The following ZDHHC21 variants were observed in gnomAD, a reference collection of about 807,000 sequenced individuals.
The protein encoded by ZDHHC21 is zDHHC palmitoyltransferase 21, also known as palmitoyltransferase ZDHHC21.
ZDHHC21 carries 15 observed loss-of-function variants against 34.6 expected under a neutral mutation model. The observed-to-expected ratio is 0.43, with a 90% CI of 0.29 to 0.67. The LOEUF is 0.67. Ranked by LOEUF, ZDHHC21 falls within the 30% of genes least tolerant of loss-of-function variation. The pLI, the probability that ZDHHC21 is intolerant of heterozygous loss-of-function variation, is 0.14. For synonymous variants in ZDHHC21, 142 were observed against 101.8 expected, an observed-to-expected ratio of 1.40 and a Z score of -2.38; for missense variants, 344 against 327.7, an observed-to-expected ratio of 1.05 and a Z score of -0.38.
the ZDHHC21 span, among the ~76,000 whole-genome samples, chr9:14,599,769 G>C: frequency 2.0e-5 from 3 of 151,816 alleles, no homozygotes; most frequent in African/African-American, 4.8e-5. Context: ...TTAGTGGGGG[G>C]AGGGGCGTCC....
intron 7 of ZDHHC21, among the ~76,000 whole-genome samples, chr9:14,643,247 C>CA (rs1198375492): frequency 1.3e-5 from 2 of 151,558 alleles, no homozygotes; most frequent in African/African-American, 2.4e-5. Context: ...GACTCTGTCT[C>CA]AAAAAAATAT....
chr9:14,655,129 T>A (rs1564307864), intron 7 of ZDHHC21, among the ~76,000 whole-genome samples: 1 of 151,972 alleles, frequency 6.6e-6, no homozygotes, highest in Non-Finnish European at 1.5e-5. Flanking sequence ...AAGAAAAACA[T>A]ATTTCATTGG....
chr9:14,691,670 T>C (rs1420786534), intron 1 of ZDHHC21, among the ~76,000 whole-genome samples: 1 of 152,212 alleles, frequency 6.6e-6, no homozygotes, highest in Non-Finnish European at 1.5e-5. Flanking sequence ...ATTTCATTTA[T>C]TCCAACTACA....
chr9:14,650,487 A>T (rs940486466), intron 7 of ZDHHC21, among the ~76,000 whole-genome samples: 4 of 152,036 alleles, frequency 2.6e-5, no homozygotes, highest in Admixed American at 2.0e-4. Context: ...AGTGAACAAA[A>T]TAAATGACCT....
At chr9:14,658,226 GC>G (rs1832647642) in intron 7 of ZDHHC21, among the ~76,000 whole-genome samples, 1 of 152,052 alleles carries the variant, frequency 6.6e-6, no homozygotes, top group Non-Finnish European at 1.5e-5. Context: ...TCAACGTGTT[GC>G]TTTCTAAGCT....
Position 14,658,746 on chromosome 9 carries a change from T to A in ZDHHC21, c.504+3A>T. On this transcript the variant is annotated splice_donor_region_variant and intron_variant, in intron 7 of 9. Coordinates refer to ENST00000380916, the MANE Select transcript of ZDHHC21 (RefSeq NM_178566.6). ...TCGGCCTCCCAATATAAACATTTCTTACCAAATTACGCTTTTTTAGTGGAA... is the reference window on the plus strand; with the variant it reads ...TCGGCCTCCCAATATAAACATTTCTAACCAAATTACGCTTTTTTAGTGGAA... 6.2e-7 allele frequency: 1 copy of A among 1,613,498 alleles called. No individual in the cohort carries two copies. Among genetic ancestry groups the A allele is most frequent in the Non-Finnish European group, 8.5e-7 (1 of 1,179,750 alleles).
chr9:14,627,741 A>C (rs1826542999), intron 8 of ZDHHC21, among the ~76,000 whole-genome samples: 1 of 152,224 alleles, frequency 6.6e-6, no homozygotes, highest in Admixed American at 6.5e-5. Context: ...CTGTTACAGC[A>C]CTTCTTGATT....
the ZDHHC21 span, chr9:14,588,807 A>G: frequency 6.6e-6 from 1 of 152,032 alleles, no homozygotes; most frequent in Non-Finnish European, 1.5e-5. Flanking sequence ...TTCACAATCA[A>G]CTCTGGCTTT....
At chr9:14,598,500 C>T in the ZDHHC21 span, among the ~76,000 whole-genome samples, 682 of 152,214 alleles carry the variant, frequency 4.5e-3, 2 homozygotes, top group Non-Finnish European at 7.0e-3. Context: ...GCAACTATTA[C>T]ATGAGATGTG....
chr9:14,622,347 G>C (rs1825450542), intron 8 of ZDHHC21, among the ~76,000 whole-genome samples: 1 of 151,136 alleles, frequency 6.6e-6, no homozygotes, highest in African/African-American at 2.4e-5. Context: ...TTCAGGTCTA[G>C]TCTAAAAAAT....
chr9:14,687,500 G>A lies in ZDHHC21; in HGVS notation c.-176+2837C>T, dbSNP rs1200116507. On this transcript the variant is annotated intron_variant, in intron 2 of 9. Coordinates refer to ENST00000380916, the MANE Select transcript of ZDHHC21 (RefSeq NM_178566.6). ...GGCCTGGCCAACATGTTAAAACCCC[G>A]TCTCTACCAAAAATACAACAATTAG... Among the ~76,000 whole-genome samples, 7 of 150,634 alleles carry A rather than the reference G, an allele frequency of 4.6e-5. No homozygotes were observed. The East Asian group carries it at 5.8e-4, about 13-fold the overall frequency.
At chr9:14,664,724 C>A (rs1180091122) in intron 5 of ZDHHC21, among the ~76,000 whole-genome samples, 1 of 151,992 alleles carries the variant, frequency 6.6e-6, no homozygotes. Flanking sequence ...GGAGGCACCC[C>A]CCAGCAGGGG....
At chr9:14,647,717 C>T (rs563427977) in intron 7 of ZDHHC21, among the ~76,000 whole-genome samples, 102 of 152,138 alleles carry the variant, frequency 6.7e-4, no homozygotes, top group African/African-American at 2.4e-3. Context: ...CCATTCTACT[C>T]GTGTTTCACT....
intron 8 of ZDHHC21, among the ~76,000 whole-genome samples, chr9:14,639,623 C>T (rs1164683482): frequency 3.9e-5 from 6 of 151,940 alleles, no homozygotes. Context: ...CCCATAAATA[C>T]GTAAGATACT....
rs568919348 is a variant in ZDHHC21 at position 14,617,761 on chromosome 9, C to T, written c.*1205G>A. 9.2e-5 allele frequency: 14 copies of T among 151,998 alleles called. No individual in the cohort carries two copies. Among genetic ancestry groups the T allele is most frequent in the African/African-American group, 3.4e-4 (14 of 41,516 alleles). 9.4% of individuals were successfully genotyped at this position (151,998 alleles called of 1,614,324 possible). A position where few individuals can be genotyped will look rare whatever the true frequency, so the allele number is the denominator to read the frequency against. On this transcript the variant is annotated 3_prime_UTR_variant, in exon 10 of 10. Transcript: ENST00000380916. ...ACATTTGTACAAGGCTAATGATAAA[C>T]ACAGATCATTATATTTTCTTATTTT...
At chr9:14,680,491 G>C (rs1040895122) in intron 2 of ZDHHC21, among the ~76,000 whole-genome samples, 2 of 151,952 alleles carry the variant, frequency 1.3e-5, no homozygotes, top group Admixed American at 6.6e-5. Context: ...ACAAAATAAC[G>C]ATAGATTCTG....
chr9:14,597,497 C>G, the ZDHHC21 span, among the ~76,000 whole-genome samples: 1 of 152,200 alleles, frequency 6.6e-6, no homozygotes, highest in Non-Finnish European at 1.5e-5. Flanking sequence ...CCACTGAGAA[C>G]AACGCAGTCC....
Position 14,639,922 on chromosome 9 carries a change from A to G in ZDHHC21, c.595T>C (p.Tyr199His). ...TMLVGITGLF[Y>H]TQLIGIITDT... ...GTGATGATGCCAATTAGTTGAGTGT[A>G]AAAGAGTCCAGTTATTCCAACTAAC... Residue 199 changes from tyrosine (Y) to histidine (H), a missense_variant, in exon 8 of 10, where the codon TAC becomes CAC. Coordinates refer to ENST00000380916, the MANE Select transcript of ZDHHC21 (RefSeq NM_178566.6). 6.2e-7 allele frequency: 1 copy of G among 1,604,938 alleles called. No individual in the cohort carries two copies. The highest frequency in any genetic ancestry group is 1.1e-5 in the South Asian group (1 of 89,494).
intron 5 of ZDHHC21, among the ~76,000 whole-genome samples, chr9:14,663,370 T>C (rs997496475): frequency 5.3e-5 from 8 of 152,046 alleles, no homozygotes; most frequent in African/African-American, 1.4e-4. Context: ...TAGCACATAC[T>C]AGGTAGTCAC....
Sources: gnomAD v4.1 joint callset for allele counts (sites outside exome capture counted in the v4.1 genomes callset) on GRCh38, gnomAD v4.1.1 for gene constraint, MANE v1.5 for transcripts, NCBI Gene and HGNC (gene_info 2026-07-23, HGNC 2026-07-21) for gene names.